Variants in MAP6 observed in about 807,000 individuals in gnomAD.
The protein encoded by MAP6 is microtubule associated protein 6.
In MAP6, 26 loss-of-function variants were observed where a neutral mutation model predicts 42.4. That is an observed-to-expected ratio of 0.61 (90% CI 0.45 to 0.85). MAP6 has a LOEUF of 0.85. Among genes scored for constraint, MAP6 ranks in the 40% least tolerant of loss-of-function variants. The pLI, the probability that MAP6 is intolerant of heterozygous loss-of-function variation, is 0.00. For missense variants in MAP6, 966 were observed against 1,099.0 expected, an observed-to-expected ratio of 0.88 and a Z score of 1.71; for synonymous variants, 418 against 443.8, an observed-to-expected ratio of 0.94 and a Z score of 0.73.
chr11:75,632,811 C>G (rs1363610993), intron 1 of MAP6, among the ~76,000 whole-genome samples: 2 of 152,110 alleles, frequency 1.3e-5, no homozygotes, highest in Non-Finnish European at 2.9e-5. Flanking sequence ...AATTTTAGAA[C>G]TGGCAGACAA....
intron 1 of MAP6, among the ~76,000 whole-genome samples, chr11:75,618,120 T>A (rs1943035273): frequency 6.6e-6 from 1 of 151,800 alleles, no homozygotes. Context: ...TTTTTTTTTT[T>A]TTTTTTGAAA....
chr11:75,656,846 A>G (rs1207821225), intron 1 of MAP6, among the ~76,000 whole-genome samples: 1 of 152,138 alleles, frequency 6.6e-6, no homozygotes, highest in East Asian at 1.9e-4. Context: ...ATAAGTCTCA[A>G]TTGTTTGTGT....
intron 1 of MAP6, among the ~76,000 whole-genome samples, chr11:75,625,733 C>G (rs898655993): frequency 6.6e-6 from 1 of 152,148 alleles, no homozygotes; most frequent in Non-Finnish European, 1.5e-5. Context: ...ACTTTTTTCT[C>G]TTACTTAAAT....
chr11:75,601,789 C>A (rs774217911), intron 3 of MAP6, among the ~76,000 whole-genome samples: 1 of 151,154 alleles, frequency 6.6e-6, no homozygotes, highest in African/African-American at 2.4e-5. Flanking sequence ...AAGGGAGCTA[C>A]CCCCCCAGAA....
In MAP6 at chr11:75,587,914, T is replaced by C. The variant is rs146628570; in HGVS notation, c.1587A>G (p.Gln529=). Residue 529 remains glutamine (Q), a synonymous_variant, in exon 4 of 4, where the codon CAA becomes CAG. Transcript: ENST00000304771. Reference sequence around the variant, plus strand: ...TTGGAGGAACTGGGACCGAGGGACCTTGGTCCTTGACTGGTGCTGAGATAA... The same window carrying C: ...TTGGAGGAACTGGGACCGAGGGACCCTGGTCCTTGACTGGTGCTGAGATAA... The part of the protein sequence containing the change: ...SPVISAPVKD[Q]GPSVPVPPKN... The C allele has an allele frequency of 3.0e-5, 49 of 1,614,206 alleles. No individual in the cohort carries two copies. The African/African-American group carries it at 4.7e-4, about 15-fold the overall frequency.
At chr11:75,647,758 G>T (rs145599110) in intron 1 of MAP6, among the ~76,000 whole-genome samples, 470 of 152,280 alleles carry the variant, frequency 3.1e-3, no homozygotes, top group African/African-American at 0.011. Flanking sequence ...TTTAACCTGA[G>T]GCCAATCGAA....
intron 1 of MAP6, among the ~76,000 whole-genome samples, chr11:75,658,233 C>T (rs1200109377): frequency 6.6e-6 from 1 of 152,154 alleles, no homozygotes; most frequent in Non-Finnish European, 1.5e-5. Context: ...ATAGATAATG[C>T]TAAAGAGTTT....
chr11:75,665,079 A>C (rs904357860), intron 1 of MAP6, among the ~76,000 whole-genome samples: 7 of 152,194 alleles, frequency 4.6e-5, no homozygotes, highest in Admixed American at 2.6e-4. Context: ...TAAATTTAAA[A>C]ATTTTTTTGA....
At chr11:75,608,572 CTG>C (rs1295740358) in intron 1 of MAP6, among the ~76,000 whole-genome samples, 1 of 152,226 alleles carries the variant, frequency 6.6e-6, no homozygotes, top group African/African-American at 2.4e-5. Flanking sequence ...CAGCTCCACA[CTG>C]TGTGACCATG....
Position 75,668,609 on chromosome 11 carries a change from C to G in MAP6, c.-240G>C. ...ACGCCTTTGGGAGCGCAGTCTGCTG[C>G]GAGCGCCGAAGGGTGAGACGCACGG... On this transcript the variant is annotated 5_prime_UTR_variant, in exon 1 of 4. Coordinates refer to ENST00000304771, the MANE Select transcript of MAP6 (RefSeq NM_033063.2). 2.6e-6 allele frequency: 1 copy of G among 380,672 alleles called. No individual in the cohort carries two copies. Among genetic ancestry groups the G allele is most frequent in the South Asian group, 1.1e-4 (1 of 9,124 alleles). 23.6% of individuals were successfully genotyped at this position (380,672 alleles called of 1,614,324 possible). A position where few individuals can be genotyped will look rare whatever the true frequency, so the allele number is the denominator to read the frequency against.
chr11:75,603,445 T>A lies in MAP6; in HGVS notation c.1316+2363A>T, dbSNP rs1476271957. ...CAAAGGAAGTCTCTTGCCAGTAAAG[T>A]GACACATTCAAGAGTCAAAGTGAAC... On this transcript the variant is annotated intron_variant, in intron 3 of 3. Coordinates refer to ENST00000304771, the MANE Select transcript of MAP6 (RefSeq NM_033063.2). 4.1e-6 allele frequency: 4 copies of A among 985,608 alleles called. No individual in the cohort carries two copies. In the Admixed American group the frequency reaches 2.5e-4, roughly 61 times the overall value. 61.1% of individuals were successfully genotyped at this position (985,608 alleles called of 1,614,324 possible).
intron 1 of MAP6, among the ~76,000 whole-genome samples, chr11:75,620,474 C>G (rs953269471): frequency 1.0e-4 from 9 of 87,950 alleles, no homozygotes; most frequent in African/African-American, 4.1e-4. Flanking sequence ...CTGACTGACT[C>G]AAAAGAGAGA....
chr11:75,599,250 T>C (rs572427730), intron 3 of MAP6, among the ~76,000 whole-genome samples: 12 of 152,260 alleles, frequency 7.9e-5, no homozygotes, highest in African/African-American at 2.4e-4. Flanking sequence ...AATGCCAGGT[T>C]AACAAGTAAT....
rs1270662495 is a variant in MAP6, at chr11:75,607,740, A to G, written c.1119+369T>C. 4.4e-6 allele frequency: 4 copies of G among 904,772 alleles called. No homozygotes were observed. The Admixed American group carries it at 2.5e-4, about 56-fold the overall frequency. 56.0% of individuals were successfully genotyped at this position (904,772 alleles called of 1,614,324 possible). On this transcript the variant is annotated intron_variant, in intron 2 of 3. Transcript: ENST00000304771. ...GGAGGGGAGCCGGGCATGGGGGCCT[A>G]CAATACTGGGCCAGCCCTTCTGGGG...
intron 3 of MAP6, among the ~76,000 whole-genome samples, chr11:75,602,079 A>C (rs1341949330): frequency 6.6e-6 from 1 of 152,068 alleles, no homozygotes; most frequent in African/African-American, 2.4e-5. Flanking sequence ...AATGAAGAGT[A>C]TAAAATCTTT....
intron 3 of MAP6, among the ~76,000 whole-genome samples, chr11:75,598,473 A>T (rs1942618445): frequency 6.6e-6 from 1 of 152,226 alleles, no homozygotes; most frequent in Admixed American, 6.5e-5. Flanking sequence ...GTTTAGAAAA[A>T]GTGGCTATCT....
At chr11:75,609,547 C>A (rs1376973580) in intron 1 of MAP6, among the ~76,000 whole-genome samples, 1 of 152,186 alleles carries the variant, frequency 6.6e-6, no homozygotes, top group African/African-American at 2.4e-5. Flanking sequence ...TGCTGGCAGG[C>A]CTTTCCCTGC....
At chr11:75,630,458 C>T (rs888976326) in intron 1 of MAP6, among the ~76,000 whole-genome samples, 3 of 152,138 alleles carry the variant, frequency 2.0e-5, no homozygotes, top group African/African-American at 7.2e-5. Context: ...GAATCTGTTT[C>T]TATAATGTTG....
rs921601931 is a variant in MAP6 at position 75,663,258 on chromosome 11, C to T, written c.905+4207G>A. On this transcript the variant is annotated intron_variant, in intron 1 of 3. Coordinates refer to ENST00000304771, the MANE Select transcript of MAP6 (RefSeq NM_033063.2). ...CCTCCTGATGTGCTGGGATTACAGG[C>T]GTGAGCCACCGCGCTTGACCAGGAT... Among the ~76,000 whole-genome samples the T allele has an allele frequency of 5.3e-5, 8 of 152,144 alleles. No individual in the cohort carries two copies. The South Asian group carries it at 8.3e-4, about 16-fold the overall frequency.
Sources: gnomAD v4.1 joint callset for allele counts (sites outside exome capture counted in the v4.1 genomes callset) on GRCh38, gnomAD v4.1.1 for gene constraint, MANE v1.5 for transcripts, NCBI Gene and HGNC (gene_info 2026-07-23, HGNC 2026-07-21) for gene names.